The following CAMK4 variants were observed in gnomAD, a reference collection of about 807,000 sequenced individuals.
The protein encoded by CAMK4 is calcium/calmodulin dependent protein kinase IV.
CAMK4 carries 22 observed loss-of-function variants against 44.9 expected under a neutral mutation model. The observed-to-expected ratio is 0.49, with a 90% CI of 0.35 to 0.70. CAMK4 has a LOEUF of 0.70. Among genes scored for constraint, CAMK4 ranks in the 30% least tolerant of loss-of-function variants. The pLI is 0.01. For missense variants in CAMK4, 498 were observed against 586.8 expected, an observed-to-expected ratio of 0.85 and a Z score of 1.56; for synonymous variants, 218 against 215.4, an observed-to-expected ratio of 1.01 and a Z score of -0.11.
Position 111,323,040 on chromosome 5 carries a change from A to G in CAMK4, c.162-20984A>G, listed in dbSNP as rs72780353. 7.2e-3 allele frequency among the ~76,000 whole-genome samples: 1,094 copies of G among 152,260 alleles called. 3 individuals carry two copies. Among genetic ancestry groups the G allele is most frequent in the Non-Finnish European group, 0.011 (749 of 68,002 alleles). On this transcript the variant is annotated intron_variant, in intron 1 of 10. Coordinates refer to ENST00000282356, the MANE Select transcript of CAMK4 (RefSeq NM_001744.6). ...AAGAAGGCTATCATAAATGGAATAT[A>G]TGTCTCAGAGGGAGTGGAGAGTGAT...
chr5:111,376,945 G>A lies in CAMK4; in HGVS notation c.386+3G>A. On this transcript the variant is annotated splice_donor_region_variant and intron_variant, in intron 4 of 10. Coordinates refer to ENST00000282356, the MANE Select transcript of CAMK4 (RefSeq NM_001744.6). The stretch of plus-strand genomic sequence containing the variant: ...ACAGGAGGAGAACTGTTTGATAGGT[G>A]AGTTGGTTCTGGAAATATAACCACA... The A allele has an allele frequency of 6.3e-7, 1 of 1,580,018 alleles. No homozygotes were observed. Among genetic ancestry groups the A allele is most frequent in the Non-Finnish European group, 8.6e-7 (1 of 1,157,798 alleles).
chr5:111,274,507 C>A (rs892743181), intron 1 of CAMK4, among the ~76,000 whole-genome samples: 1 of 152,134 alleles, frequency 6.6e-6, no homozygotes, highest in Non-Finnish European at 1.5e-5. Flanking sequence ...TTCTGATGGA[C>A]ATTTGTTTCC....
At chr5:111,323,219 G>A (rs1748735551) in intron 1 of CAMK4, among the ~76,000 whole-genome samples, 2 of 151,932 alleles carry the variant, frequency 1.3e-5, no homozygotes, top group African/African-American at 4.8e-5. Flanking sequence ...AGAAACCAAA[G>A]ATAAAGAGAA....
In CAMK4 at chr5:111,238,526, C is replaced by T. The variant is rs77818523; in HGVS notation, c.161+13882C>T. Reference sequence around the variant, plus strand: ...TGGCACCCGATTGCAGACTTCCAGCCCTCAGAACTGTGAAAAAAATGTTTT... The same window carrying T: ...TGGCACCCGATTGCAGACTTCCAGCTCTCAGAACTGTGAAAAAAATGTTTT... On this transcript the variant is annotated intron_variant, in intron 1 of 10. Transcript: ENST00000282356. 4.2e-3 allele frequency among the ~76,000 whole-genome samples: 635 copies of T among 151,264 alleles called. 4 individuals are homozygous for T. The highest frequency in any genetic ancestry group is 0.015 in the African/African-American group (615 of 40,942).
At chr5:111,459,121 A>G (rs1238770666) in intron 7 of CAMK4, among the ~76,000 whole-genome samples, 1 of 152,190 alleles carries the variant, frequency 6.6e-6, no homozygotes, top group Non-Finnish European at 1.5e-5. Context: ...TCAAGTCATG[A>G]GACTATCAGG....
chr5:111,241,886 A>C (rs913170292), intron 1 of CAMK4, among the ~76,000 whole-genome samples: 1 of 152,172 alleles, frequency 6.6e-6, no homozygotes, highest in Non-Finnish European at 1.5e-5. Context: ...GCTCAAAGGG[A>C]GGGCCTGAAG....
chr5:111,432,660 G>GTATA (rs1164358498), intron 5 of CAMK4, among the ~76,000 whole-genome samples: 3 of 116,660 alleles, frequency 2.6e-5, no homozygotes, highest in African/African-American at 1.0e-4. Context: ...ATATATGTGT[G>GTATA]TGTATATATA....
At chr5:111,354,163 C>G (rs572360896) in intron 2 of CAMK4, among the ~76,000 whole-genome samples, 1 of 151,946 alleles carries the variant, frequency 6.6e-6, no homozygotes, top group Non-Finnish European at 1.5e-5. Flanking sequence ...GGACACTATG[C>G]TAAGTGAAAT....
In CAMK4 at chr5:111,449,121, G is replaced by T. The variant is rs1249221203; in HGVS notation, c.551-8G>T. The T allele has an allele frequency of 7.2e-7, 1 of 1,388,274 alleles. No homozygotes were observed. The highest frequency in any genetic ancestry group is 1.0e-6 in the Non-Finnish European group (1 of 988,076). The allele number at this position is 1,388,274 out of a possible 1,614,324, so 86.0% of individuals were successfully genotyped here. On this transcript the variant is annotated splice_polypyrimidine_tract_variant and splice_region_variant and intron_variant, in intron 6 of 10. Coordinates refer to ENST00000282356, the MANE Select transcript of CAMK4 (RefSeq NM_001744.6). Reference sequence around the variant, plus strand: ...GTGCTTCATTAAATTTTTTTCTTGTGTTATTAGCTGATTTTGGACTCTCTA... The same window carrying T: ...GTGCTTCATTAAATTTTTTTCTTGTTTTATTAGCTGATTTTGGACTCTCTA...
chr5:111,409,483 G>A (rs920894174), intron 5 of CAMK4, among the ~76,000 whole-genome samples: 4 of 152,214 alleles, frequency 2.6e-5, no homozygotes, highest in African/African-American at 9.6e-5. Flanking sequence ...TCCCTCCAAG[G>A]CCTCCAGGCC....
intron 7 of CAMK4, among the ~76,000 whole-genome samples, chr5:111,451,104 G>C (rs889752059): frequency 4.6e-5 from 7 of 152,066 alleles, no homozygotes; most frequent in Admixed American, 4.6e-4. Flanking sequence ...GAACTTTAAA[G>C]TTCATTTATT....
intron 1 of CAMK4, among the ~76,000 whole-genome samples, chr5:111,276,928 T>C (rs746191759): frequency 2.6e-4 from 39 of 152,176 alleles, no homozygotes; most frequent in Non-Finnish European, 5.0e-4. Flanking sequence ...TGGCCCCTTT[T>C]AACCTTCAAA....
intron 2 of CAMK4, among the ~76,000 whole-genome samples, chr5:111,363,706 AG>A (rs140838982): frequency 0.13 from 19,101 of 152,104 alleles, 1,504 homozygotes; most frequent in Non-Finnish European, 0.18. Context: ...CTGATGGAAG[AG>A]GGAACAGCAA....
rs1312822564 is a variant in CAMK4 at position 111,270,975 on chromosome 5, A to G, written c.161+46331A>G. ...AGAAGGGGAAACTGGCACCTTCTTC[A>G]CAAGGCGGCAGGAAGGGAGAGTGTG... On this transcript the variant is annotated intron_variant, in intron 1 of 10. Transcript: ENST00000282356. Among the ~76,000 whole-genome samples, 4 of 152,324 alleles carry G rather than the reference A, an allele frequency of 2.6e-5. No individual in the cohort carries two copies. In the East Asian group the frequency reaches 7.7e-4, roughly 29 times the overall value.
chr5:111,326,683 T>TA (rs397816033), intron 1 of CAMK4, among the ~76,000 whole-genome samples: 73,024 of 148,596 alleles, frequency 0.49, 18,423 homozygotes, highest in African/African-American at 0.61. Context: ...AAGCTATAAA[T>TA]AAAAAAAAAG....
intron 1 of CAMK4, among the ~76,000 whole-genome samples, chr5:111,238,410 G>T (rs920406095): frequency 6.6e-6 from 1 of 152,160 alleles, no homozygotes; most frequent in Non-Finnish European, 1.5e-5. Flanking sequence ...GTGAGAGCTT[G>T]CTCGCTCGCT....
intron 2 of CAMK4, among the ~76,000 whole-genome samples, chr5:111,353,832 T>C (rs536295518): frequency 6.6e-6 from 1 of 152,198 alleles, no homozygotes; most frequent in South Asian, 2.1e-4. Flanking sequence ...AAAACATTGA[T>C]GAAAGAAACT....
chr5:111,428,471 T>G (rs1753311407), intron 5 of CAMK4, among the ~76,000 whole-genome samples: 2 of 152,156 alleles, frequency 1.3e-5, no homozygotes, highest in South Asian at 4.1e-4. Context: ...TTGAGGAAAC[T>G]TAAAGAAATT....
rs1466197095 is a variant in CAMK4 at position 111,492,934 on chromosome 5, A to AC, written c.*8469dup. 1 of 152,272 alleles carries AC rather than the reference A, an allele frequency of 6.6e-6. No individual in the cohort carries two copies. The highest frequency in any genetic ancestry group is 1.5e-5 in the Non-Finnish European group (1 of 68,114). 9.4% of individuals were successfully genotyped at this position (152,272 alleles called of 1,614,324 possible). Reference sequence around the variant, plus strand: ...AATGATGAAGGAAAGCTTTATGGAAACACAGGCTGTATGTGAAAGATGGGT... The same window carrying AC: ...AATGATGAAGGAAAGCTTTATGGAAACCACAGGCTGTATGTGAAAGATGGGT... On this transcript the variant is annotated 3_prime_UTR_variant, in exon 11 of 11. Transcript: ENST00000282356.
Sources: allele counts gnomAD v4.1 joint callset (sites outside exome capture counted in the v4.1 genomes callset), GRCh38; gene constraint gnomAD v4.1.1; transcripts MANE v1.5; gene names NCBI Gene and HGNC (gene_info 2026-07-23, HGNC 2026-07-21).